TGIF2: variants seen among roughly 807,000 people sequenced by gnomAD.
The protein encoded by TGIF2 is homeobox protein TGIF2.
In TGIF2, 5 loss-of-function variants were observed where a neutral mutation model predicts 15.1. The observed-to-expected ratio is 0.33, with a 90% CI of 0.17 to 0.70. The LOEUF (loss-of-function observed/expected upper bound fraction) is 0.70. Ranked by LOEUF, TGIF2 falls within the 30% of genes least tolerant of loss-of-function variation. The pLI is 0.67. For missense variants in TGIF2, 264 were observed against 302.5 expected (o/e 0.87, Z 0.94); for synonymous variants, 131 against 128.9 (o/e 1.02, Z -0.11).
At chr20:36,574,057 G>A (rs1041726721) in intron 1 of TGIF2, among the ~76,000 whole-genome samples, 1 of 149,914 alleles carries the variant, frequency 6.7e-6, no homozygotes, top group African/African-American at 2.5e-5. Flanking sequence ...CCGGACCTGA[G>A]TGAGCGCGCG....
At chr20:36,587,678 T>G (rs1028716364) in intron 2 of TGIF2, among the ~76,000 whole-genome samples, 3 of 152,158 alleles carry the variant, frequency 2.0e-5, no homozygotes, top group Non-Finnish European at 4.4e-5. Flanking sequence ...TTCAACAAGT[T>G]TCTGAACCTC....
rs553076164 is a variant in TGIF2, at chr20:36,589,428, T to C, written c.193-1482T>C. On this transcript the variant is annotated intron_variant, in intron 2 of 2. Coordinates refer to ENST00000373872, the MANE Select transcript of TGIF2 (RefSeq NM_021809.7). ...TTTTTTTTAAGACGGAGTCTCACTC[T>C]GTTACCCACGCTGGAGTGCAATGGC... Among the ~76,000 whole-genome samples the C allele has an allele frequency of 1.6e-4, 25 of 152,022 alleles. No homozygotes were observed. The East Asian group carries it at 3.3e-3, about 20-fold the overall frequency.
At position 36,575,930 on chromosome 20, in the gene TGIF2, TA is replaced by T. The variant is rs113595117; in HGVS notation, c.-35+2198del. On this transcript the variant is annotated intron_variant, in intron 1 of 2. Transcript: ENST00000373872. Reference sequence around the variant, plus strand: ...CAACATGGCAAAACCCTGTCTCTACTAAAAAAAAAAAAATAGCTAGATGTGG... The same window carrying T: ...CAACATGGCAAAACCCTGTCTCTACTAAAAAAAAAAAATAGCTAGATGTGG... Among the ~76,000 whole-genome samples, 424 of 142,002 alleles carry T rather than the reference TA, an allele frequency of 3.0e-3. 1 individual carries two copies. The highest frequency in any genetic ancestry group is 3.6e-3 in the Middle Eastern group (1 of 276). 93.2% of individuals were successfully genotyped at this position (142,002 alleles called of 152,430 possible).
Position 36,591,550 on chromosome 20 carries a change from G to A in TGIF2, c.*119G>A. On this transcript the variant is annotated 3_prime_UTR_variant, in exon 3 of 3. Coordinates refer to ENST00000373872, the MANE Select transcript of TGIF2 (RefSeq NM_021809.7). The surrounding 1 kb of genome is among the most constrained non-coding windows in gnomAD (Gnocchi z 5.3). ...GCCAAACATTGGGATCATCTCCTCT[G>A]TCCAGAGGTCTTCAACAGGAAGATG... is the stretch of plus-strand genomic sequence containing the variant. 8.5e-7 allele frequency: 1 copy of A among 1,170,118 alleles called. No individual in the cohort carries two copies. Among genetic ancestry groups the A allele is most frequent in the East Asian group, 2.4e-5 (1 of 42,260 alleles). 72.5% of individuals were successfully genotyped at this position (1,170,118 alleles called of 1,614,324 possible).
chr20:36,580,574 G>C (rs775230401), intron 2 of TGIF2, among the ~76,000 whole-genome samples: 1 of 152,092 alleles, frequency 6.6e-6, no homozygotes, highest in Non-Finnish European at 1.5e-5. Context: ...CACTTTAGGA[G>C]ACCAAGGTAG....
At position 36,592,800 on chromosome 20, in the gene TGIF2, TTTTG is replaced by T. The variant is rs2038790302; in HGVS notation, c.*1373_*1376del. The T allele has an allele frequency of 6.4e-6, 1 of 156,706 alleles. No individual in the cohort carries two copies. The highest frequency in any genetic ancestry group is 2.4e-5 in the African/African-American group (1 of 41,466). 9.7% of individuals were successfully genotyped at this position (156,706 alleles called of 1,614,324 possible). Reference sequence around the variant, plus strand: ...CTTTCCCCCATTTTTTCTTTTGCTGTTTTGTTTTTTGTTTTTTGTTTGTTTGTTT... The same window carrying T: ...CTTTCCCCCATTTTTTCTTTTGCTGTTTTTTTGTTTTTTGTTTGTTTGTTT... On this transcript the variant is annotated 3_prime_UTR_variant, in exon 3 of 3. Coordinates refer to ENST00000373872, the MANE Select transcript of TGIF2 (RefSeq NM_021809.7).
chr20:36,579,297 G>A (rs567779068), intron 2 of TGIF2, among the ~76,000 whole-genome samples: 78 of 152,012 alleles, frequency 5.1e-4, no homozygotes, highest in Admixed American at 2.6e-3. Flanking sequence ...TCAGCCTCCC[G>A]ACTAGCTGGG....
rs1219648208 is a variant in TGIF2 at position 36,591,422 on chromosome 20, T to C, written c.705T>C (p.Asn235=). The C allele has an allele frequency of 6.2e-7, 1 of 1,603,966 alleles. No homozygotes were observed. The highest frequency in any genetic ancestry group is 8.5e-7 in the Non-Finnish European group (1 of 1,172,750). The change falls in exon 3 of 3, where the codon AAT becomes AAC. Residue 235 remains asparagine, a synonymous_variant. Transcript: ENST00000373872. The surrounding 1 kb of genome is among the most constrained non-coding windows in gnomAD (Gnocchi z 5.3). ...LHTPIPLVSE[N]PQ is the part of the protein sequence containing the mutation. ...CTCCCATCCCTTTAGTCTCTGAAAA[T>C]CCCCAGTAGGCATCTGCCAAGAAGG...
chr20:36,583,698 G>A (rs1469924240), intron 2 of TGIF2, among the ~76,000 whole-genome samples: 17 of 151,964 alleles, frequency 1.1e-4, no homozygotes, highest in Admixed American at 9.8e-4. Context: ...GGAGTTTGAG[G>A]CCAGCCTGGC....
At chr20:36,577,835 T>G (rs1034831265) in intron 1 of TGIF2, among the ~76,000 whole-genome samples, 1 of 151,842 alleles carries the variant, frequency 6.6e-6, no homozygotes, top group African/African-American at 2.4e-5. Flanking sequence ...AGACCTTTTT[T>G]ATTTTGTTGT....
Position 36,591,551 on chromosome 20 carries a change from T to A in TGIF2, c.*120T>A, listed in dbSNP as rs1600786360. Reference sequence around the variant, plus strand: ...CCAAACATTGGGATCATCTCCTCTGTCCAGAGGTCTTCAACAGGAAGATGC... The same window carrying A: ...CCAAACATTGGGATCATCTCCTCTGACCAGAGGTCTTCAACAGGAAGATGC... On this transcript the variant is annotated 3_prime_UTR_variant, in exon 3 of 3. Transcript: ENST00000373872. This position sits in a 1 kb window ranked among gnomAD's most constrained non-coding sequence, Gnocchi z 5.3. The A allele has an allele frequency of 8.6e-7, 1 of 1,158,510 alleles. No homozygotes were observed. The highest frequency in any genetic ancestry group is 2.4e-5 in the East Asian group (1 of 42,196). The allele number at this position is 1,158,510 out of a possible 1,614,324, so 71.8% of individuals were successfully genotyped here.
chr20:36,591,366 C>T lies in TGIF2; in HGVS notation c.649C>T (p.Gln217Ter), dbSNP rs779400683. Residue 217 changes from glutamine to a stop codon, truncating the protein, a stop_gained, in exon 3 of 3, where the codon CAG becomes TAG. Coordinates refer to ENST00000373872, the MANE Select transcript of TGIF2 (RefSeq NM_021809.7). LOFTEE classifies it high-confidence loss of function. This position sits in a 1 kb window ranked among gnomAD's most constrained non-coding sequence, Gnocchi z 5.3. ...GGCTGCTGAGATGGAGCTTCAGAAG[C>T]AGCAGGACCCATCACTCCCATTACT... ...QRAAEMELQK[Q>*]QDPSLPLLHT... 1.9e-6 allele frequency: 3 copies of T among 1,614,218 alleles called. No individual in the cohort carries two copies. The highest frequency in any genetic ancestry group is 2.2e-5 in the East Asian group (1 of 44,888).
At chr20:36,586,701 C>CCCCA (rs2038666531) in intron 2 of TGIF2, among the ~76,000 whole-genome samples, 3 of 148,096 alleles carry the variant, frequency 2.0e-5, no homozygotes, top group Admixed American at 2.0e-4. Flanking sequence ...TTTCCCCCCC[C>CCCCA]CCAAAAAAAA....
chr20:36,589,958 G>C (rs1429660549), intron 2 of TGIF2, among the ~76,000 whole-genome samples: 1 of 151,944 alleles, frequency 6.6e-6, no homozygotes, highest in African/African-American at 2.4e-5. Context: ...TAAAGTACTG[G>C]GACTGCAGGC....
chr20:36,585,887 A>ATGCTGG (rs1357619974), intron 2 of TGIF2, among the ~76,000 whole-genome samples: 1 of 152,208 alleles, frequency 6.6e-6, no homozygotes, highest in Non-Finnish European at 1.5e-5. Context: ...ATACAGTGGT[A>ATGCTGG]GAATGGGTAC....
chr20:36,578,130 A>G (rs1456174187), intron 1 of TGIF2, among the ~76,000 whole-genome samples: 1 of 152,168 alleles, frequency 6.6e-6, no homozygotes, highest in East Asian at 1.9e-4. Flanking sequence ...TGCTCAGTAC[A>G]GGCCAGGCAT....
At position 36,593,714 on chromosome 20, in the gene TGIF2, C is replaced by A. The variant is rs1386207601; in HGVS notation, c.*2283C>A. On this transcript the variant is annotated 3_prime_UTR_variant, in exon 3 of 3. Transcript: ENST00000373872. ...GGGCTGAGGTGGGATTTTCCCTCCC[C>A]ACAGTGCACTGAGCAATGGAGGGTG... 6.6e-6 allele frequency: 1 copy of A among 152,564 alleles called. No individual in the cohort carries two copies. The highest frequency in any genetic ancestry group is 1.5e-5 in the Non-Finnish European group (1 of 68,056). The allele number at this position is 152,564 out of a possible 1,614,324, so 9.5% of individuals were successfully genotyped here.
chr20:36,578,684 C>T, intron 1 of TGIF2, 57 bp from the exon 2 acceptor site: 10 of 1,493,180 alleles, frequency 6.7e-6, no homozygotes, highest in Non-Finnish European at 8.0e-6. Flanking sequence ...TGTTTGGAGA[C>T]TAGGAAAAGG....
chr20:36,590,888 C>A (rs759059083), intron 2 of TGIF2, 22 bp from the exon 3 acceptor site: 1 of 1,502,336 alleles, frequency 6.7e-7, no homozygotes, highest in Admixed American at 2.3e-5. Flanking sequence ...GCAAATTGAT[C>A]GGTCTTGTAT....
Sources: gnomAD v4.1 joint callset for allele counts (sites outside exome capture counted in the v4.1 genomes callset) on GRCh38, gnomAD v4.1.1 for gene constraint, Gnocchi (gnomAD v3.1) non-coding constraint, MANE v1.5 for transcripts, NCBI Gene and HGNC (gene_info 2026-07-23, HGNC 2026-07-21) for gene names.